The following KIRREL3 variants were observed in gnomAD, a reference collection of about 807,000 sequenced individuals.
The protein encoded by KIRREL3 is kin of IRRE-like protein 3.
KIRREL3 carries 36 observed loss-of-function variants against 89.7 expected under a neutral mutation model. The ratio of observed to expected loss-of-function variants is 0.40; its 90% confidence interval spans 0.31 to 0.53. The LOEUF is 0.53. Ranked by LOEUF, KIRREL3 falls within the 20% of genes least tolerant of loss-of-function variation. The probability of loss-of-function intolerance (pLI) is 0.49; values close to 1 mark genes in which losing one functional copy is unlikely to be tolerated. For missense variants in KIRREL3, 864 were observed against 1,056.6 expected (o/e 0.82, Z 2.53); for synonymous variants, 445 against 441.4 (o/e 1.01, Z -0.10).
intron 5 of KIRREL3, among the ~76,000 whole-genome samples, chr11:126,472,731 A>G (rs902928073): frequency 6.6e-6 from 1 of 151,556 alleles, no homozygotes; most frequent in Non-Finnish European, 1.5e-5. Flanking sequence ...AGAGAGAGAG[A>G]GCACAAGTCA....
rs1248454743 is a variant in KIRREL3, at chr11:126,451,277, CAT to C, written c.849-2122_849-2121del. ...TGTGCATTGCTTGTGTGTCCGTGTG[CAT>C]GTGTGCGTGTGTGCATGTGTGCATG... On this transcript the variant is annotated intron_variant, in intron 7 of 16. Transcript: ENST00000525144. Among the ~76,000 whole-genome samples the C allele has an allele frequency of 2.4e-5, 3 of 124,438 alleles. No individual in the cohort carries two copies. The East Asian group carries it at 7.7e-4, about 32-fold the overall frequency. 81.6% of individuals were successfully genotyped at this position (124,438 alleles called of 152,430 possible). A position where few individuals can be genotyped will look rare whatever the true frequency, so the allele number is the denominator to read the frequency against.
rs1942865191 is a variant in KIRREL3 at position 126,605,784 on chromosome 11, AGAGTGAG to A, written c.56-42879_56-42873del. On this transcript the variant is annotated intron_variant, in intron 1 of 16. Transcript: ENST00000525144. The surrounding 1 kb of genome is among the most constrained non-coding windows in gnomAD (Gnocchi z 5.7). ...GGGAAAGCATGGGGCATATGGGTAG[AGAGTGAG>A]GTCTGGAGGGCATGGGACATGGTCC... is the stretch of plus-strand genomic sequence containing the variant. 6.6e-6 allele frequency among the ~76,000 whole-genome samples: 1 copy of A among 152,196 alleles called. No homozygotes were observed. The highest frequency in any genetic ancestry group is 2.1e-4 in the South Asian group (1 of 4,828).
At chr11:126,803,445 C>G (rs1951104266) in intron 1 of KIRREL3, among the ~76,000 whole-genome samples, 1 of 152,062 alleles carries the variant, frequency 6.6e-6, no homozygotes, top group African/African-American at 2.4e-5. Context: ...TTAGGAAACT[C>G]TTACCTTCCA....
intron 1 of KIRREL3, among the ~76,000 whole-genome samples, chr11:126,818,807 T>A (rs909732738): frequency 8.0e-5 from 3 of 37,474 alleles, no homozygotes; most frequent in Non-Finnish European, 1.3e-4. Context: ...TGATTTCAGG[T>A]CAGCCTCTAC....
At position 126,904,298 on chromosome 11, in the gene KIRREL3, T is replaced by A. The variant is rs762195593; in HGVS notation, c.55+96157A>T. Among the ~76,000 whole-genome samples, 2 of 152,206 alleles carry A rather than the reference T, an allele frequency of 1.3e-5. No individual in the cohort carries two copies. The highest frequency in any genetic ancestry group is 2.9e-5 in the Non-Finnish European group (2 of 68,038). ...GGTTTAAATCTACATTCAAGGTAAA[T>A]GTCTGTATTTTATGGCCCGAAGCCC... On this transcript the variant is annotated intron_variant, in intron 1 of 16. Coordinates refer to ENST00000525144, the MANE Select transcript of KIRREL3 (RefSeq NM_032531.4). This position sits in a 1 kb window ranked among gnomAD's most constrained non-coding sequence, Gnocchi z 4.4.
rs929026126 is a variant in KIRREL3 at position 126,676,850 on chromosome 11, C to T, written c.56-113938G>A. 6.6e-6 allele frequency among the ~76,000 whole-genome samples: 1 copy of T among 151,882 alleles called. No individual in the cohort carries two copies. Among genetic ancestry groups the T allele is most frequent in the African/African-American group, 2.4e-5 (1 of 41,324 alleles). On this transcript the variant is annotated intron_variant, in intron 1 of 16. Transcript: ENST00000525144. This position sits in a 1 kb window ranked among gnomAD's most constrained non-coding sequence, Gnocchi z 4.5. Reference sequence around the variant, plus strand: ...TCTGGACTGGTATACAGTGGCTCAACCACAGGTCACCGCAGCCTCGATCTC... The same window carrying T: ...TCTGGACTGGTATACAGTGGCTCAATCACAGGTCACCGCAGCCTCGATCTC...
intron 1 of KIRREL3, among the ~76,000 whole-genome samples, chr11:126,588,260 GCCTTGC>G (rs1941966261): frequency 6.6e-6 from 1 of 152,192 alleles, no homozygotes; most frequent in Non-Finnish European, 1.5e-5. Flanking sequence ...GAGCTGTGTG[GCCTTGC>G]CCTTTGATAC....
Position 126,605,496 on chromosome 11 carries a change from C to T in KIRREL3, c.56-42584G>A, listed in dbSNP as rs1942849721. On this transcript the variant is annotated intron_variant, in intron 1 of 16. Coordinates refer to ENST00000525144, the MANE Select transcript of KIRREL3 (RefSeq NM_032531.4). The surrounding 1 kb of genome is among the most constrained non-coding windows in gnomAD (Gnocchi z 5.7). ...ACTTCATGGGACATGATGGATGAGA[C>T]TCAGGATGCCAGGAGGGAGGCACAG... Among the ~76,000 whole-genome samples the T allele has an allele frequency of 6.6e-6, 1 of 152,134 alleles. No homozygotes were observed. Among genetic ancestry groups the T allele is most frequent in the Non-Finnish European group, 1.5e-5 (1 of 68,034 alleles).
At chr11:126,813,962 C>T (rs1385608903) in intron 1 of KIRREL3, among the ~76,000 whole-genome samples, 2 of 152,222 alleles carry the variant, frequency 1.3e-5, no homozygotes, top group East Asian at 3.9e-4. Context: ...AAACTATCAT[C>T]AGAGTAAACA....
At position 126,666,788 on chromosome 11, in the gene KIRREL3, A is replaced by G. The variant is rs1334043073; in HGVS notation, c.56-103876T>C. Among the ~76,000 whole-genome samples the G allele has an allele frequency of 1.3e-5, 2 of 152,182 alleles. No homozygotes were observed. Among genetic ancestry groups the G allele is most frequent in the African/African-American group, 4.8e-5 (2 of 41,452 alleles). On this transcript the variant is annotated intron_variant, in intron 1 of 16. Coordinates refer to ENST00000525144, the MANE Select transcript of KIRREL3 (RefSeq NM_032531.4). This position sits in a 1 kb window ranked among gnomAD's most constrained non-coding sequence, Gnocchi z 4.2. The stretch of plus-strand genomic sequence containing the variant: ...AGAAGAATAAAAGACCATGCTTTTG[A>G]GGAGCCAGTCACTGAGTTTCTCTGT...
chr11:126,717,834 C>A (rs1431608628), intron 1 of KIRREL3, among the ~76,000 whole-genome samples: 1 of 152,194 alleles, frequency 6.6e-6, no homozygotes, highest in Non-Finnish European at 1.5e-5. Flanking sequence ...TATCTAATAT[C>A]CATCTTTCTT....
At chr11:126,793,376 G>T (rs1205066947) in intron 1 of KIRREL3, among the ~76,000 whole-genome samples, 1 of 152,178 alleles carries the variant, frequency 6.6e-6, no homozygotes, top group East Asian at 1.9e-4. Flanking sequence ...GGCTAGGAAG[G>T]GTTACTTTTG....
chr11:126,540,801 G>A (rs1258044525), intron 2 of KIRREL3, among the ~76,000 whole-genome samples: 1 of 152,184 alleles, frequency 6.6e-6, no homozygotes, highest in African/African-American at 2.4e-5. Context: ...GATGGGAGAT[G>A]CTCGACAGCG....
At chr11:126,878,285 T>C (rs930904802) in intron 1 of KIRREL3, among the ~76,000 whole-genome samples, 28 of 152,144 alleles carry the variant, frequency 1.8e-4, no homozygotes, top group African/African-American at 6.8e-4. Context: ...ATTAAAATAG[T>C]GTGTAGTGAG....
intron 13 of KIRREL3, among the ~76,000 whole-genome samples, chr11:126,433,942 A>AT (rs1393425988): frequency 7.2e-5 from 11 of 152,198 alleles, no homozygotes; most frequent in Non-Finnish European, 1.2e-4. Context: ...CGATCCTGGG[A>AT]TCCCCAGCCC....
chr11:126,545,477 T>C (rs1180899271), intron 2 of KIRREL3, among the ~76,000 whole-genome samples: 2 of 151,902 alleles, frequency 1.3e-5, no homozygotes, highest in East Asian at 3.9e-4. Context: ...GGGATGGAAA[T>C]TAGAGTCCCT....
At position 126,997,134 on chromosome 11, in the gene KIRREL3, A is replaced by G. The variant is rs1204552400; in HGVS notation, c.55+3321T>C. ...GCTGTGCATGTGCAGGCTGGATGGG[A>G]TGGGGCTTGAAGCTTAAGGAGGGCA... On this transcript the variant is annotated intron_variant, in intron 1 of 16. Transcript: ENST00000525144. The surrounding 1 kb of genome is among the most constrained non-coding windows in gnomAD (Gnocchi z 4.3). 1.3e-5 allele frequency among the ~76,000 whole-genome samples: 2 copies of G among 152,130 alleles called. No individual in the cohort carries two copies. The highest frequency in any genetic ancestry group is 2.9e-5 in the Non-Finnish European group (2 of 68,026).
intron 1 of KIRREL3, among the ~76,000 whole-genome samples, chr11:126,952,780 G>A (rs1948808469): frequency 6.6e-6 from 1 of 152,154 alleles, no homozygotes; most frequent in Non-Finnish European, 1.5e-5. Context: ...AAACCACGAT[G>A]AGATACCATC....
chr11:126,888,434 G>T (rs2134753280), intron 1 of KIRREL3, among the ~76,000 whole-genome samples: 1 of 152,308 alleles, frequency 6.6e-6, no homozygotes, highest in East Asian at 1.9e-4. Flanking sequence ...TCAGGGAAGA[G>T]CATAGGAGGG....
Sources: gnomAD v4.1 joint callset for allele counts (sites outside exome capture counted in the v4.1 genomes callset) on GRCh38, gnomAD v4.1.1 for gene constraint, Gnocchi (gnomAD v3.1) non-coding constraint, MANE v1.5 for transcripts, NCBI Gene and HGNC (gene_info 2026-07-23, HGNC 2026-07-21) for gene names.